SRRM3: variants seen among roughly 807,000 people sequenced by gnomAD.
SRRM3 encodes serine/arginine repetitive matrix protein 3.
SRRM3 carries 27 observed loss-of-function variants against 66.2 expected under a neutral mutation model. The observed-to-expected ratio is 0.41, with a 90% CI of 0.30 to 0.56. The LOEUF is 0.56. Ranked by LOEUF, SRRM3 falls within the 20% of genes least tolerant of loss-of-function variation. The probability of loss-of-function intolerance (pLI) is 0.32; values close to 1 mark genes in which losing one functional copy is unlikely to be tolerated. For synonymous variants in SRRM3, 391 were observed against 414.9 expected (o/e 0.94, Z 0.70); for missense variants, 918 against 991.9 (o/e 0.93, Z 1.00).
intron 1 of SRRM3, among the ~76,000 whole-genome samples, chr7:76,229,848 A>C (rs1167343710): frequency 6.8e-6 from 1 of 148,140 alleles, no homozygotes; most frequent in Non-Finnish European, 1.5e-5. Context: ...GGTTCAAGTG[A>C]TTCTTCTGCC....
chr7:76,284,033 A>C (rs1411422266), intron 14 of SRRM3, among the ~76,000 whole-genome samples: 1 of 152,104 alleles, frequency 6.6e-6, no homozygotes, highest in East Asian at 1.9e-4. Context: ...GCATCTTTTC[A>C]GTTCTAACAG....
At position 76,256,556 on chromosome 7, in the gene SRRM3, G is replaced by A. The variant is rs557528155; in HGVS notation, c.336-3350G>A. Among the ~76,000 whole-genome samples, 26 of 151,968 alleles carry A rather than the reference G, an allele frequency of 1.7e-4. 1 individual carries two copies. The East Asian group carries it at 4.8e-3, about 28-fold the overall frequency. On this transcript the variant is annotated intron_variant, in intron 3 of 14. Transcript: ENST00000611745. Reference sequence around the variant, plus strand: ...CATAGACAGAGCAGCCCCGAGGGCTGCTGGTTGCCCATTTATATTGTTATT... The same window carrying A: ...CATAGACAGAGCAGCCCCGAGGGCTACTGGTTGCCCATTTATATTGTTATT...
At chr7:76,232,357 G>A (rs782332599) in intron 1 of SRRM3, among the ~76,000 whole-genome samples, 2 of 152,088 alleles carry the variant, frequency 1.3e-5, no homozygotes, top group Non-Finnish European at 2.9e-5. Flanking sequence ...CAGATCACTT[G>A]AGGTCAGAGT....
intron 1 of SRRM3, among the ~76,000 whole-genome samples, chr7:76,203,844 G>A (rs1236621176): frequency 6.6e-6 from 1 of 151,830 alleles, no homozygotes; most frequent in Non-Finnish European, 1.5e-5. Context: ...TTCAATGCCA[G>A]TGTCTTGATT....
chr7:76,259,385 C>G (rs1394214223), intron 3 of SRRM3, among the ~76,000 whole-genome samples: 1 of 151,890 alleles, frequency 6.6e-6, no homozygotes, highest in Non-Finnish European at 1.5e-5. Flanking sequence ...TCGAAACCAG[C>G]CTGAGCAACA....
At chr7:76,278,200 C>A (rs1256646917) in intron 11 of SRRM3, among the ~76,000 whole-genome samples, 1 of 152,026 alleles carries the variant, frequency 6.6e-6, no homozygotes, top group Non-Finnish European at 1.5e-5. Context: ...GAGGGGCCAA[C>A]CCAAGGCCGG....
At chr7:76,245,872 A>G (rs893348848) in intron 2 of SRRM3, among the ~76,000 whole-genome samples, 1 of 151,820 alleles carries the variant, frequency 6.6e-6, no homozygotes, top group Non-Finnish European at 1.5e-5. Flanking sequence ...ATTTTTTTAT[A>G]TTTTTGGTAC....
In SRRM3 at chr7:76,226,361, A is replaced by C. The variant is rs144659317; in HGVS notation, c.-39-8667A>C. Among the ~76,000 whole-genome samples the C allele has an allele frequency of 2.6e-4, 40 of 152,286 alleles. No individual in the cohort carries two copies. In the East Asian group the frequency reaches 7.4e-3, roughly 28 times the overall value. On this transcript the variant is annotated intron_variant, in intron 1 of 14. Coordinates refer to ENST00000611745, the MANE Select transcript of SRRM3 (RefSeq NM_001110199.3). ...CTTTTAACCACTTCCTGGCTTGTAG[A>C]AGAAGGAGTGTGCCCCTTTGGCAAG... is the stretch of plus-strand genomic sequence containing the variant.
chr7:76,247,600 G>A (rs984205553), intron 2 of SRRM3, among the ~76,000 whole-genome samples: 2 of 152,166 alleles, frequency 1.3e-5, no homozygotes, highest in Admixed American at 6.5e-5. Context: ...CCTGAGGGGC[G>A]AGGGGGTCGT....
chr7:76,281,127 T>G (rs116651594), intron 11 of SRRM3, among the ~76,000 whole-genome samples: 2,205 of 150,416 alleles, frequency 0.015, 61 homozygotes, highest in African/African-American at 0.047. Context: ...TCTCTTCCTC[T>G]TTCTCTTCTC....
At chr7:76,223,560 G>C (rs782239090) in intron 1 of SRRM3, among the ~76,000 whole-genome samples, 1 of 152,200 alleles carries the variant, frequency 6.6e-6, no homozygotes, top group African/African-American at 2.4e-5. Flanking sequence ...GACCCAGAAT[G>C]AGTTTCACAA....
chr7:76,262,312 C>A (rs1430197814), intron 8 of SRRM3, among the ~76,000 whole-genome samples: 2 of 151,780 alleles, frequency 1.3e-5, no homozygotes, highest in African/African-American at 4.8e-5. Flanking sequence ...TTGACACCAG[C>A]CTGGACAACA....
At chr7:76,221,132 A>C (rs1453183991) in intron 1 of SRRM3, among the ~76,000 whole-genome samples, 1 of 147,130 alleles carries the variant, frequency 6.8e-6, no homozygotes, top group African/African-American at 2.5e-5. Context: ...ATCTCAGTTC[A>C]CCGCAACCTC....
chr7:76,277,642 G>A (rs1040846723), intron 11 of SRRM3, among the ~76,000 whole-genome samples: 4 of 150,382 alleles, frequency 2.7e-5, no homozygotes, highest in Non-Finnish European at 5.9e-5. Flanking sequence ...AGGTTACAGT[G>A]AGCCAAGATC....
intron 2 of SRRM3, among the ~76,000 whole-genome samples, chr7:76,245,574 T>A (rs1801420317): frequency 1.3e-5 from 2 of 152,218 alleles, no homozygotes; most frequent in African/African-American, 4.8e-5. Flanking sequence ...GCATTTATCC[T>A]TTGAGTTACA....
At chr7:76,223,863 T>A (rs181861937) in intron 1 of SRRM3, among the ~76,000 whole-genome samples, 11 of 76,598 alleles carry the variant, frequency 1.4e-4, no homozygotes, top group East Asian at 1.2e-3. Flanking sequence ...TTCCCTTCCC[T>A]TCCCTTCCCT....
intron 1 of SRRM3, among the ~76,000 whole-genome samples, chr7:76,233,578 G>A (rs1801064273): frequency 6.6e-6 from 1 of 152,170 alleles, no homozygotes; most frequent in Non-Finnish European, 1.5e-5. Context: ...GCTGGTCTCG[G>A]GACAGAGGCG....
Position 76,279,279 on chromosome 7 carries a change from C to T in SRRM3, c.1009-2162C>T, listed in dbSNP as rs550692054. 3.3e-5 allele frequency among the ~76,000 whole-genome samples: 5 copies of T among 152,050 alleles called. No homozygotes were observed. The East Asian group carries it at 7.7e-4, about 24-fold the overall frequency. ...TTCTCAAAAAGAAAGAAAAAAGAAA[C>T]AGCCTGCCAAAAGAGCTTGGTCCAG... On this transcript the variant is annotated intron_variant, in intron 11 of 14. Coordinates refer to ENST00000611745, the MANE Select transcript of SRRM3 (RefSeq NM_001110199.3).
chr7:76,221,017 C>T (rs1369324095), intron 1 of SRRM3, among the ~76,000 whole-genome samples: 2 of 151,888 alleles, frequency 1.3e-5, no homozygotes, highest in African/African-American at 4.8e-5. Flanking sequence ...CCTGAGCCAC[C>T]TCCTCCCAGG....
Sources: allele counts gnomAD v4.1 joint callset (sites outside exome capture counted in the v4.1 genomes callset), GRCh38; gene constraint gnomAD v4.1.1; transcripts MANE v1.5; gene names NCBI Gene and HGNC (gene_info 2026-07-23, HGNC 2026-07-21).